Variants in UNC5A observed in about 807,000 individuals in gnomAD.
The protein encoded by UNC5A is unc-5 netrin receptor A, also known as netrin receptor UNC5A.
A neutral mutation model predicts 87.4 loss-of-function variants in UNC5A; 20 were observed. That is an observed-to-expected ratio of 0.23 (90% confidence interval 0.16 to 0.33). The LOEUF (loss-of-function observed/expected upper bound fraction) is 0.33. UNC5A is among the 10% of genes least tolerant of loss of function. The pLI, the probability that UNC5A is intolerant of heterozygous loss-of-function variation, is 1.00. For missense variants in UNC5A, 844 were observed against 1,133.4 expected (o/e 0.74, Z 3.67); for synonymous variants, 438 against 482.3 (o/e 0.91, Z 1.20).
chr5:176,853,605 C>T (rs976939406), intron 1 of UNC5A, among the ~76,000 whole-genome samples: 1 of 152,240 alleles, frequency 6.6e-6, no homozygotes, highest in Non-Finnish European at 1.5e-5. Context: ...GAGTGCCGTG[C>T]TTGCCTGTAT....
chr5:176,879,654 C>T (rs996147261), intron 14 of UNC5A, 67 bp from the exon 15 acceptor site: 9 of 1,586,118 alleles, frequency 5.7e-6, no homozygotes, highest in Middle Eastern at 2.1e-4. Context: ...CTGGGGTGGG[C>T]CAGGGGGGGC....
chr5:176,839,561 G>C (rs1470730523), intron 1 of UNC5A, among the ~76,000 whole-genome samples: 3 of 152,166 alleles, frequency 2.0e-5, no homozygotes, highest in Non-Finnish European at 4.4e-5. Context: ...GGCCTAGGCT[G>C]TCTCCTGCCC....
chr5:176,861,390 C>A (rs1277578332), intron 1 of UNC5A, among the ~76,000 whole-genome samples: 2 of 152,206 alleles, frequency 1.3e-5, no homozygotes, highest in Admixed American at 6.5e-5. Flanking sequence ...AACCCTCGGT[C>A]CGAGCCTGCC....
intron 1 of UNC5A, among the ~76,000 whole-genome samples, chr5:176,823,469 C>T (rs1756779179): frequency 6.6e-6 from 1 of 152,104 alleles, no homozygotes; most frequent in Non-Finnish European, 1.5e-5. Flanking sequence ...AGCCGTGGCC[C>T]AGGAGAGACG....
At chr5:176,864,585 G>A (rs994222285) in intron 2 of UNC5A, among the ~76,000 whole-genome samples, 8 of 152,298 alleles carry the variant, frequency 5.3e-5, no homozygotes, top group African/African-American at 1.4e-4. Context: ...GAGCCCTGCC[G>A]GGGCTCCAAC....
In UNC5A at chr5:176,845,801, C is replaced by T. The variant is rs867736105; in HGVS notation, c.71-16823C>T. Among the ~76,000 whole-genome samples, 5 of 152,310 alleles carry T rather than the reference C, an allele frequency of 3.3e-5. No individual in the cohort carries two copies. In the South Asian group the frequency reaches 1.0e-3, roughly 32 times the overall value. ...GATGGGGAGACAGAGAGGGCCTCCTCAGGGAGGTGCCATGAGCTGAGATTC... is the reference window on the plus strand; with the variant it reads ...GATGGGGAGACAGAGAGGGCCTCCTTAGGGAGGTGCCATGAGCTGAGATTC... On this transcript the variant is annotated intron_variant, in intron 1 of 14. Coordinates refer to ENST00000329542, the MANE Select transcript of UNC5A (RefSeq NM_133369.3).
chr5:176,831,923 G>A (rs1757040403), intron 1 of UNC5A, among the ~76,000 whole-genome samples: 1 of 108,932 alleles, frequency 9.2e-6, no homozygotes, highest in African/African-American at 4.2e-5. Context: ...TTGAGACAGA[G>A]TCTCACTCTG....
chr5:176,842,247 C>G (rs1334984900), intron 1 of UNC5A, among the ~76,000 whole-genome samples: 2 of 152,188 alleles, frequency 1.3e-5, no homozygotes, highest in African/African-American at 4.8e-5. Context: ...ATGTGGTGAT[C>G]AGGGAACACT....
rs1758325279 is a variant in UNC5A, at chr5:176,878,561, T to C, written c.2106T>C (p.Ser702=). 1 of 1,613,148 alleles carries C rather than the reference T, an allele frequency of 6.2e-7. No homozygotes were observed. Among genetic ancestry groups the C allele is most frequent in the Non-Finnish European group, 8.5e-7 (1 of 1,179,982 alleles). Residue 702 remains serine (S), a synonymous_variant, in exon 13 of 15, where the codon AGT becomes AGC. Transcript: ENST00000329542. ...FTLERVSPST[S]DLACKLWVWQ... ...TGGAGCGTGTCAGCCCCAGCACTAGTGACCTGGCCTGCAAGCTGTGGGTGT... is the reference window on the plus strand; with the variant it reads ...TGGAGCGTGTCAGCCCCAGCACTAGCGACCTGGCCTGCAAGCTGTGGGTGT...
chr5:176,875,210 C>T lies in UNC5A; in HGVS notation c.1378+644C>T, dbSNP rs374218471. On this transcript the variant is annotated intron_variant, in intron 8 of 14. Transcript: ENST00000329542. This position sits in a 1 kb window ranked among gnomAD's most constrained non-coding sequence, Gnocchi z 5.2. The stretch of plus-strand genomic sequence containing the variant: ...TCGCCCACTCCATGGCTTTAATCGC[C>T]GTGTCTGTGCAGATAACTCCCACTC... Among the ~76,000 whole-genome samples the T allele has an allele frequency of 1.2e-4, 19 of 152,240 alleles. No homozygotes were observed. Among genetic ancestry groups the T allele is most frequent in the East Asian group, 1.2e-3 (6 of 5,176 alleles).
At position 176,861,646 on chromosome 5, in the gene UNC5A, C is replaced by T. The variant is rs181996981; in HGVS notation, c.71-978C>T. Among the ~76,000 whole-genome samples the T allele has an allele frequency of 5.1e-4, 77 of 152,284 alleles. 1 individual carries two copies. Among genetic ancestry groups the T allele is most frequent in the Admixed American group, 2.2e-3 (33 of 15,306 alleles). On this transcript the variant is annotated intron_variant, in intron 1 of 14. Transcript: ENST00000329542. ...GCCCAGAGGCCATCCATGTGAGGGG[C>T]CTGTGGACATCCCCACAGGCAGCTG...
chr5:176,842,317 T>TC (rs1212742728), intron 1 of UNC5A, among the ~76,000 whole-genome samples: 15 of 152,376 alleles, frequency 9.8e-5, no homozygotes, highest in African/African-American at 3.1e-4. Flanking sequence ...GTGTGGAGAT[T>TC]CCTTAAAGAG....
intron 3 of UNC5A, 47 bp downstream of exon 3, chr5:176,868,320 G>C (rs1214622161): frequency 6.2e-7 from 1 of 1,608,188 alleles, no homozygotes; most frequent in Non-Finnish European, 8.5e-7. Flanking sequence ...GCGGGAGGGT[G>C]TCACCAGGAG....
chr5:176,817,131 C>T (rs746901063), intron 1 of UNC5A, among the ~76,000 whole-genome samples: 8 of 152,170 alleles, frequency 5.3e-5, no homozygotes, highest in Non-Finnish European at 1.2e-4. Context: ...TGCTTCTGTG[C>T]TGTGGTGGGA....
intron 6 of UNC5A, among the ~76,000 whole-genome samples, chr5:176,871,243 A>C (rs56724676): frequency 4.8e-4 from 1 of 2,078 alleles, no homozygotes; most frequent in Non-Finnish European, 1.1e-3. Flanking sequence ...CCACAGCTTC[A>C]CATCTGCCCA....
chr5:176,862,487 C>G, intron 1 of UNC5A, 137 bp from the exon 2 acceptor site: 1 of 849,402 alleles, frequency 1.2e-6, no homozygotes, highest in South Asian at 1.5e-5. Flanking sequence ...CTGAGATTGC[C>G]CAGCTGGGAC....
In UNC5A at chr5:176,863,752, TCCCTCCCCTCCTCC is replaced by T. The variant is rs1257339214; in HGVS notation, c.292+922_292+935del. On this transcript the variant is annotated intron_variant, in intron 2 of 14. Transcript: ENST00000329542. The stretch of plus-strand genomic sequence containing the variant: ...CCCCTTTTCCCCCTCCCTCTCCTCC[TCCCTCCCCTCCTCC>T]CCCTCCCCTCCTCCTTCTTTACCCC... 9.5e-5 allele frequency among the ~76,000 whole-genome samples: 3 copies of T among 31,720 alleles called. No individual in the cohort carries two copies. The Admixed American group carries it at 1.4e-3, about 14-fold the overall frequency. 20.8% of individuals were successfully genotyped at this position (31,720 alleles called of 152,430 possible). A position where few individuals can be genotyped will look rare whatever the true frequency, so the allele number is the denominator to read the frequency against.
In UNC5A at chr5:176,824,912, C is replaced by T. The variant is rs572555876; in HGVS notation, c.70+14092C>T. Among the ~76,000 whole-genome samples, 1 of 152,306 alleles carries T rather than the reference C, an allele frequency of 6.6e-6. No individual in the cohort carries two copies. The highest frequency in any genetic ancestry group is 1.9e-4 in the East Asian group (1 of 5,174). Reference sequence around the variant, plus strand: ...CTGCCCTCTCTTTGCCACTCACCCCCGCTCCCGTGCACACCAAGGCTGCGT... The same window carrying T: ...CTGCCCTCTCTTTGCCACTCACCCCTGCTCCCGTGCACACCAAGGCTGCGT... On this transcript the variant is annotated intron_variant, in intron 1 of 14. Transcript: ENST00000329542. This position sits in a 1 kb window ranked among gnomAD's most constrained non-coding sequence, Gnocchi z 4.2.
intron 1 of UNC5A, among the ~76,000 whole-genome samples, chr5:176,847,485 C>T (rs990661717): frequency 4.6e-5 from 7 of 152,152 alleles, no homozygotes; most frequent in African/African-American, 1.7e-4. Flanking sequence ...CATTAATATA[C>T]TTAAAGTTCG....
Sources: allele counts gnomAD v4.1 joint callset (sites outside exome capture counted in the v4.1 genomes callset), GRCh38; gene constraint gnomAD v4.1.1; non-coding constraint Gnocchi (gnomAD v3.1); transcripts MANE v1.5; gene names NCBI Gene and HGNC (gene_info 2026-07-23, HGNC 2026-07-21).